The following RAI2 variants were observed in gnomAD, a reference collection of about 807,000 sequenced individuals.
The protein encoded by RAI2 is retinoic acid-induced protein 2.
A neutral mutation model predicts 15.3 loss-of-function variants in RAI2; 5 were observed. The ratio of observed to expected loss-of-function variants is 0.33; its 90% confidence interval spans 0.17 to 0.69. The LOEUF is 0.69. Ranked by LOEUF, RAI2 falls within the 30% of genes least tolerant of loss-of-function variation. The pLI, the probability that RAI2 is intolerant of heterozygous loss-of-function variation, is 0.69. For missense variants in RAI2, 424 were observed against 424.7 expected (o/e 1.00, Z 0.01); for synonymous variants, 191 against 184.0 (o/e 1.04, Z -0.31).
At chrX:17,824,558 T>TA (rs1483845256) in intron 1 of RAI2, among the ~76,000 whole-genome samples, 133 of 111,393 alleles carry the variant, frequency 1.2e-3, no homozygotes, top group African/African-American at 3.8e-3. Context: ...GTTAGGCCTT[T>TA]AAAAAAAATC....
rs140100334 is a variant in RAI2 at position 17,855,050 on chromosome X, C to G, written c.-25+6048G>C. Among the ~76,000 whole-genome samples, 95 of 112,129 alleles carry G rather than the reference C, an allele frequency of 8.5e-4. 1 individual carries two copies. The highest frequency in any genetic ancestry group is 2.8e-3 in the African/African-American group (85 of 30,868). On this transcript the variant is annotated intron_variant, in intron 1 of 1. Transcript: ENST00000451717. ...TGATACCATAGTGCCAGCCAAAATCCTTCTTCTACCTCCCTGAACTCTCCT... is the reference window on the plus strand; with the variant it reads ...TGATACCATAGTGCCAGCCAAAATCGTTCTTCTACCTCCCTGAACTCTCCT...
Position 17,801,313 on chromosome X carries a change from G to A in RAI2, c.698C>T (p.Pro233Leu). 5 of 1,172,735 alleles carry A rather than the reference G, an allele frequency of 4.3e-6. No individual in the cohort carries two copies. The highest frequency in any genetic ancestry group is 2.0e-5 in the South Asian group (1 of 50,471). ...PLVPPATLLV[P>L]YPVIVPLPVP... ...AGGCAAGGGGACGATTACAGGATAC[G>A]GCACCAAGAGGGTGGCTGGTGGGAC... is the stretch of plus-strand genomic sequence containing the variant. Residue 233 changes from proline (P) to leucine (L), a missense_variant, in exon 2 of 2, where the codon CCG (proline) becomes CTG (leucine). Pro to Leu is a moderately conservative substitution (Grantham distance 98). Coordinates refer to ENST00000451717, the MANE Select transcript of RAI2 (RefSeq NM_021785.6).
At chrX:17,820,046 G>A (rs2067148452) in intron 1 of RAI2, among the ~76,000 whole-genome samples, 1 of 112,438 alleles carries the variant, frequency 8.9e-6, no homozygotes, top group African/African-American at 3.2e-5. Context: ...TGTGTGCATT[G>A]TGGGTTTTCA....
chrX:17,856,757 C>T (rs2067612534), intron 1 of RAI2, among the ~76,000 whole-genome samples: 1 of 112,141 alleles, frequency 8.9e-6, no homozygotes, highest in Non-Finnish European at 1.9e-5. Context: ...GGAGAGAACA[C>T]CAAAGTCACA....
At chrX:17,857,759 C>A (rs1291272358) in intron 1 of RAI2, among the ~76,000 whole-genome samples, 1 of 111,818 alleles carries the variant, frequency 8.9e-6, no homozygotes, top group Non-Finnish European at 1.9e-5. Flanking sequence ...TCAGTGCCAT[C>A]ATTTAGTCAC....
At chrX:17,850,189 G>C (rs1237237839) in intron 1 of RAI2, among the ~76,000 whole-genome samples, 1 of 112,263 alleles carries the variant, frequency 8.9e-6, no homozygotes, top group Admixed American at 9.4e-5. Flanking sequence ...GAATGTTCTT[G>C]AGCTAGGGTG....
intron 1 of RAI2, among the ~76,000 whole-genome samples, chrX:17,808,010 G>T (rs755909866): frequency 5.1e-4 from 57 of 112,152 alleles, no homozygotes; most frequent in African/African-American, 1.8e-3. Flanking sequence ...CGGCCCAAGG[G>T]TCGCATGCGG....
chrX:17,842,911 C>A (rs558609952), intron 1 of RAI2, among the ~76,000 whole-genome samples: 1 of 111,675 alleles, frequency 9.0e-6, no homozygotes, highest in South Asian at 3.7e-4. Flanking sequence ...GGCACGTAGG[C>A]GGTGACCAGC....
Position 17,800,291 on chromosome X carries a change from T to G in RAI2, c.*127A>C. ...TAGCATACAGGGCCTCTAGAGCCAA[T>G]TCACCTTTCCATTTCCCAACTACTC... On this transcript the variant is annotated 3_prime_UTR_variant, in exon 2 of 2. Transcript: ENST00000451717. The G allele has an allele frequency of 1.0e-6, 1 of 953,741 alleles. No individual in the cohort carries two copies. The highest frequency in any genetic ancestry group is 3.1e-5 in the East Asian group (1 of 31,808). 78.6% of individuals were successfully genotyped at this position (953,741 alleles called of 1,213,427 possible).
At position 17,812,402 on chromosome X, in the gene RAI2, A is replaced by G. The variant is rs190914919; in HGVS notation, c.-24-10368T>C. On this transcript the variant is annotated intron_variant, in intron 1 of 1. Coordinates refer to ENST00000451717, the MANE Select transcript of RAI2 (RefSeq NM_021785.6). ...CACAAAAACCCACCTAACACCCAAC[A>G]TAGCTGAAATGAGCATTTGAAGTGA... is the stretch of plus-strand genomic sequence containing the variant. Among the ~76,000 whole-genome samples the G allele has an allele frequency of 7.4e-4, 83 of 112,543 alleles. 1 individual carries two copies. The highest frequency in any genetic ancestry group is 2.1e-3 in the African/African-American group (66 of 30,989).
intron 1 of RAI2, among the ~76,000 whole-genome samples, chrX:17,855,221 T>C (rs2067586599): frequency 8.9e-6 from 1 of 111,904 alleles, no homozygotes; most frequent in Non-Finnish European, 1.9e-5. Context: ...GCATTCTCTT[T>C]TTTATTTTCT....
chrX:17,811,295 C>G (rs2067047456), intron 1 of RAI2, among the ~76,000 whole-genome samples: 1 of 112,127 alleles, frequency 8.9e-6, no homozygotes, highest in Non-Finnish European at 1.9e-5. Flanking sequence ...GTGCCCATCC[C>G]TGCATTGGGC....
intron 1 of RAI2, among the ~76,000 whole-genome samples, chrX:17,857,840 T>C (rs1255839095): frequency 1.8e-5 from 2 of 112,277 alleles, no homozygotes; most frequent in Non-Finnish European, 3.8e-5. Flanking sequence ...TCTGTCCATC[T>C]GACACAGGGT....
At chrX:17,841,915 G>C (rs1228888790) in intron 1 of RAI2, among the ~76,000 whole-genome samples, 2 of 112,651 alleles carry the variant, frequency 1.8e-5, no homozygotes, top group Admixed American at 9.4e-5. Context: ...TGGCTCATTA[G>C]ATGAAACGAC....
rs202132477 is a variant in RAI2 at position 17,801,674 on chromosome X, C to T, written c.337G>A (p.Val113Ile). Reference protein sequence around the residue: ...ELNPNGNATYVMTTQGPVQLP... With the variant: ...ELNPNGNATYIMTTQGPVQLP... Reference sequence around the variant, plus strand: ...TGCACGGGGCCCTGGGTGGTCATGACGTAGGTGGCATTGCCATTCGGATTG... The same window carrying T: ...TGCACGGGGCCCTGGGTGGTCATGATGTAGGTGGCATTGCCATTCGGATTG... The change falls in exon 2 of 2, where the codon GTC becomes ATC. Residue 113 changes from valine (V) to isoleucine (I), a missense_variant. By Grantham distance (29) the Val-to-Ile change is conservative (BLOSUM62 3). Transcript: ENST00000451717. The T allele has an allele frequency of 1.6e-4, 193 of 1,210,286 alleles. No individual in the cohort carries two copies. The highest frequency in any genetic ancestry group is 6.5e-5 in the Admixed American group (3 of 45,907).
At chrX:17,847,003 T>A (rs1322465912) in intron 1 of RAI2, among the ~76,000 whole-genome samples, 1 of 111,997 alleles carries the variant, frequency 8.9e-6, no homozygotes, top group Non-Finnish European at 1.9e-5. Flanking sequence ...AAGCTCTCTC[T>A]TGCCTGCCAC....
intron 1 of RAI2, among the ~76,000 whole-genome samples, chrX:17,822,073 G>C (rs180918721): frequency 8.9e-6 from 1 of 112,023 alleles, no homozygotes; most frequent in Admixed American, 9.5e-5. Context: ...TAATTCTCTA[G>C]AGAAAAACCA....
At chrX:17,806,692 C>G (rs999470399) in intron 1 of RAI2, among the ~76,000 whole-genome samples, 2 of 111,410 alleles carry the variant, frequency 1.8e-5, no homozygotes. Flanking sequence ...TGTTCTCACA[C>G]TCCTATAAAG....
intron 1 of RAI2, among the ~76,000 whole-genome samples, chrX:17,826,502 T>C (rs1005341371): frequency 9.0e-6 from 1 of 110,950 alleles, no homozygotes; most frequent in Non-Finnish European, 1.9e-5. Flanking sequence ...TGAATATTTA[T>C]TTGGAGGGAG....
Sources: allele counts gnomAD v4.1 joint callset (sites outside exome capture counted in the v4.1 genomes callset), GRCh38; gene constraint gnomAD v4.1.1; transcripts MANE v1.5; gene names NCBI Gene and HGNC (gene_info 2026-07-23, HGNC 2026-07-21).